TONSL: variants seen among roughly 807,000 people sequenced by gnomAD.
TONSL encodes tonsoku like, DNA repair protein.
TONSL carries 112 observed loss-of-function variants against 147.1 expected under a neutral mutation model. The ratio of observed to expected loss-of-function variants is 0.76; its 90% CI spans 0.65 to 0.89. The LOEUF (loss-of-function observed/expected upper bound fraction) is 0.89. TONSL is among the 40% of genes least tolerant of loss of function. The pLI is 0.00. For synonymous variants in TONSL, 868 were observed against 801.5 expected, an observed-to-expected ratio of 1.08 and a Z score of -1.40; for missense variants, 1,883 against 1,864.6, an observed-to-expected ratio of 1.01 and a Z score of -0.18.
Position 144,442,099 on chromosome 8 carries a change from G to A in TONSL, c.803C>T (p.Ala268Val). The A allele has an allele frequency of 6.2e-7, 1 of 1,612,812 alleles. No homozygotes were observed. The highest frequency in any genetic ancestry group is 8.5e-7 in the Non-Finnish European group (1 of 1,179,914). Residue 268 changes from alanine (A) to valine (V), a missense_variant, in exon 7 of 26, where the codon GCC (alanine) becomes GTC (valine). By Grantham distance (64) the Ala-to-Val change is moderately conservative. Transcript: ENST00000409379. ...AGGCTTCTGGGAGCCCAGCCTGTAG[G>A]CCTTCTTCAGGGCTCGCTTGGCAGC... is the stretch of plus-strand genomic sequence containing the variant. ...FLAAKRALKK[A>V]YRLGSQKPVQ...
chr8:144,435,565 C>G lies in TONSL; in HGVS notation c.2776-15G>C, dbSNP rs972222719. 6.4e-7 allele frequency: 1 copy of G among 1,558,380 alleles called. No individual in the cohort carries two copies. On this transcript the variant is annotated splice_polypyrimidine_tract_variant and intron_variant, in intron 17 of 25. Coordinates refer to ENST00000409379, the MANE Select transcript of TONSL (RefSeq NM_013432.5). The stretch of plus-strand genomic sequence containing the variant: ...GGGGCCGGACCCTGGCAGGTGAAGG[C>G]AGCAGGGCTGAGTCAGGAGCCACAG...
chr8:144,441,018 A>C lies in TONSL; in HGVS notation c.959T>G (p.Leu320Arg). ...GGGAAAGTCTCCTGCCTTGGAGAAGAGGTCCCCTAGCTGCTCACAGATGAC... is the reference window on the plus strand; with the variant it reads ...GGGAAAGTCTCCTGCCTTGGAGAAGCGGTCCCCTAGCTGCTCACAGATGAC... ...AMVICEQLGD[L>R]FSKAGDFPRA... is the part of the protein sequence containing the mutation. The change falls in exon 8 of 26, where the codon CTC becomes CGC. Residue 320 changes from leucine to arginine, a missense_variant. Coordinates refer to ENST00000409379, the MANE Select transcript of TONSL (RefSeq NM_013432.5). The C allele has an allele frequency of 6.2e-7, 1 of 1,613,124 alleles. No individual in the cohort carries two copies. The highest frequency in any genetic ancestry group is 8.5e-7 in the Non-Finnish European group (1 of 1,179,988).
intron 21 of TONSL, 89 bp from the exon 22 acceptor site, chr8:144,433,848 C>T: frequency 1.4e-6 from 2 of 1,477,392 alleles, no homozygotes; most frequent in Admixed American, 2.5e-5. Context: ...TCTTCCCCAC[C>T]TTGCCTGGCA....
At chr8:144,433,522 G>C (rs1411005892) in intron 22 of TONSL, 66 bp downstream of exon 22, 1 of 1,527,736 alleles carries the variant, frequency 6.5e-7, no homozygotes, top group Non-Finnish European at 8.9e-7. Flanking sequence ...GGCCCCCTCT[G>C]AAAGTCCTGG....
rs1180794053 is a variant in TONSL at position 144,436,490 on chromosome 8, C to G, written c.2014+68G>C. On this transcript the variant is annotated intron_variant, in intron 16 of 25. Transcript: ENST00000409379. ...GCTCCACCTGTGATGGAGCATCTCC[C>G]GAAATCAGGGCCCGGGGACTCTCAG... The G allele has an allele frequency of 3.2e-6, 5 of 1,570,128 alleles. No homozygotes were observed. The African/African-American group carries it at 4.0e-5, about 13-fold the overall frequency.
In TONSL at chr8:144,433,195, C is replaced by T. The variant is rs527718003; in HGVS notation, c.3559+393G>A. 7 of 171,130 alleles carry T rather than the reference C, an allele frequency of 4.1e-5. No homozygotes were observed. The East Asian group carries it at 1.1e-3, about 26-fold the overall frequency. 10.6% of individuals were successfully genotyped at this position (171,130 alleles called of 1,614,324 possible). On this transcript the variant is annotated intron_variant, in intron 22 of 25. Transcript: ENST00000409379. ...TCCCGGGTTCATGCCATTCTCCTGC[C>T]TCAGCCTCCTGCGTAGCTGGGACTA... is the stretch of plus-strand genomic sequence containing the variant.
At position 144,443,894 on chromosome 8, in the gene TONSL, C is replaced by A; in HGVS notation, c.252G>T (p.Pro84=). 1.3e-6 allele frequency: 2 copies of A among 1,545,576 alleles called. No homozygotes were observed. Among genetic ancestry groups the A allele is most frequent in the East Asian group, 4.9e-5 (2 of 40,912 alleles). Reference sequence around the variant, plus strand: ...AGGGCGCCCGCACCTGCAAGGCAGCCGGGTAGTCCTCCATCTCGGCCAGGC... The same window carrying A: ...AGGGCGCCCGCACCTGCAAGGCAGCAGGGTAGTCCTCCATCTCGGCCAGGC... ...GERLAEMEDY[P]AALQHQHQYL... The change falls in exon 3 of 26, where the codon CCG becomes CCT. Residue 84 remains proline, a synonymous_variant. Transcript: ENST00000409379.
In TONSL at chr8:144,443,934, C is replaced by T. The variant is rs1437938189; in HGVS notation, c.212G>A (p.Arg71His). 3 of 1,544,362 alleles carry T rather than the reference C, an allele frequency of 1.9e-6. No homozygotes were observed. Among genetic ancestry groups the T allele is most frequent in the Non-Finnish European group, 1.7e-6 (2 of 1,146,670 alleles). ...DDPLGCAVAH[R>H]KIGERLAEME... ...CTCGGCCAGGCGCTCTCCGATCTTG[C>T]GGTGGGCCACGGCACAGCCCAGAGG... The change falls in exon 3 of 26, where the codon CGC becomes CAC. Residue 71 changes from arginine to histidine, a missense_variant. Coordinates refer to ENST00000409379, the MANE Select transcript of TONSL (RefSeq NM_013432.5).
At chr8:144,442,465 G>A in intron 5 of TONSL, 53 bp from the exon 6 acceptor site, 1 of 1,506,358 alleles carries the variant, frequency 6.6e-7, no homozygotes, top group Non-Finnish European at 8.8e-7. Flanking sequence ...GACAGCTGCT[G>A]ATGCCACACG....
chr8:144,433,908 A>G (rs782333459), intron 21 of TONSL, 70 bp downstream of exon 21: 76 of 1,489,440 alleles, frequency 5.1e-5, no homozygotes, highest in Non-Finnish European at 6.4e-5. Context: ...ACCCTAGACC[A>G]CCCAGGGACC....
Position 144,436,393 on chromosome 8 carries a change from G to A in TONSL, c.2040C>T (p.His680=), listed in dbSNP as rs1037263553. 4.6e-6 allele frequency: 7 copies of A among 1,506,294 alleles called. No homozygotes were observed. The highest frequency in any genetic ancestry group is 4.2e-5 in the African/African-American group (3 of 71,834). The allele number at this position is 1,506,294 out of a possible 1,614,324, so 93.3% of individuals were successfully genotyped here. A position where few individuals can be genotyped will look rare whatever the true frequency, so the allele number is the denominator to read the frequency against. Reference sequence around the variant, plus strand: ...GGTCAAACAGAAGGCTGCTTGGGGTGTGGAAGGCCTGGGAGCTGTGGGGAT... The same window carrying A: ...GGTCAAACAGAAGGCTGCTTGGGGTATGGAAGGCCTGGGAGCTGTGGGGAT... ...GQDPHSSQAF[H]TPSSLLFDPE... The change falls in exon 17 of 26, where the codon CAC becomes CAT. Residue 680 remains histidine (H), a synonymous_variant. Coordinates refer to ENST00000409379, the MANE Select transcript of TONSL (RefSeq NM_013432.5).
chr8:144,432,601 A>G, intron 22 of TONSL, 141 bp from the exon 23 acceptor site: 1 of 815,774 alleles, frequency 1.2e-6, no homozygotes, highest in Admixed American at 3.6e-5. Context: ...GTGCAGAGGC[A>G]AAGGCTCTCG....
At chr8:144,441,407 A>C in intron 7 of TONSL, 1 of 324,886 alleles carries the variant, frequency 3.1e-6, no homozygotes, top group African/African-American at 2.1e-5. Flanking sequence ...CCTGGCTAAC[A>C]TGGTGAAACC....
chr8:144,440,519 G>T (rs776523296), intron 9 of TONSL, 43 bp from the exon 10 acceptor site: 12 of 1,551,938 alleles, frequency 7.7e-6, no homozygotes, highest in Non-Finnish European at 9.6e-6. Flanking sequence ...GCCGCTGTCT[G>T]CGTCCAACGG....
intron 13 of TONSL, chr8:144,437,853 GCCTCAGCCT>G (rs1329156654): frequency 1.3e-5 from 2 of 155,444 alleles, no homozygotes; most frequent in Non-Finnish European, 2.8e-5. Context: ...CAATCCGCCC[GCCTCAGCCT>G]CCCAAAGTGC....
intron 11 of TONSL, among the ~76,000 whole-genome samples, chr8:144,439,196 C>T (rs1042919421): frequency 6.6e-6 from 1 of 152,180 alleles, no homozygotes; most frequent in African/African-American, 2.4e-5. Flanking sequence ...CTCCACCCTG[C>T]CTAGGCAGCA....
chr8:144,438,568 C>T lies in TONSL; in HGVS notation c.1564-8G>A. 4 of 1,613,068 alleles carry T rather than the reference C, an allele frequency of 2.5e-6. No homozygotes were observed. The highest frequency in any genetic ancestry group is 3.4e-6 in the Non-Finnish European group (4 of 1,179,876). On this transcript the variant is annotated splice_region_variant and splice_polypyrimidine_tract_variant and intron_variant, in intron 12 of 25. Coordinates refer to ENST00000409379, the MANE Select transcript of TONSL (RefSeq NM_013432.5). ...GTCGTTTCGCCGGTTCCACTGTGGG[C>T]ACAGCCAACCCAGCACAGGGCAGGG...
intron 2 of TONSL, 32 bp from the exon 3 acceptor site, chr8:144,444,056 G>A (rs1005313981): frequency 1.3e-5 from 20 of 1,484,172 alleles, no homozygotes; most frequent in Non-Finnish European, 1.8e-5. Context: ...CCTGGCAGGC[G>A]TCGCGGGTGC....
At chr8:144,430,775 C>T (rs1453971974) in intron 24 of TONSL, among the ~76,000 whole-genome samples, 1 of 152,222 alleles carries the variant, frequency 6.6e-6, no homozygotes, top group Non-Finnish European at 1.5e-5. Flanking sequence ...CTCAACACTC[C>T]CCAGAGAGCT....
Sources: allele counts gnomAD v4.1 joint callset (sites outside exome capture counted in the v4.1 genomes callset), GRCh38; gene constraint gnomAD v4.1.1; transcripts MANE v1.5; gene names NCBI Gene and HGNC (gene_info 2026-07-23, HGNC 2026-07-21).